Variants in SLC60A1 observed in about 807,000 individuals in gnomAD.
SLC60A1 encodes the protein solute carrier family 60 member 1, also known as major facilitator superfamily domain containing 4.
chr1:205,593,416 A>AGCCGAAATCCCGCCGCT, the SLC60A1 span, among the ~76,000 whole-genome samples: 1 of 74,722 alleles, frequency 1.3e-5, no homozygotes, highest in Non-Finnish European at 2.7e-5. Context: ...GCTTGCAGTG[A>AGCCGAAATCCCGCCGCT]GCACTCCAGC....
the SLC60A1 span, among the ~76,000 whole-genome samples, chr1:205,571,760 G>A: frequency 6.6e-6 from 1 of 152,168 alleles, no homozygotes; most frequent in Non-Finnish European, 1.5e-5. Flanking sequence ...TGGATTCTGT[G>A]GGACCATGTC....
At chr1:205,582,842 A>G in the SLC60A1 span, among the ~76,000 whole-genome samples, 1 of 151,782 alleles carries the variant, frequency 6.6e-6, no homozygotes, top group African/African-American at 2.4e-5. Flanking sequence ...TTTGTCTTTC[A>G]CTCCTGTTAG....
At chr1:205,583,863 C>T in the SLC60A1 span, 3 of 1,452,196 alleles carry the variant, frequency 2.1e-6, no homozygotes, top group Non-Finnish European at 2.8e-6. Context: ...TGTCTTCTCC[C>T]AGGACTATGC....
the SLC60A1 span, chr1:205,569,279 C>T: frequency 1.9e-6 from 3 of 1,545,278 alleles, no homozygotes; most frequent in African/African-American, 1.4e-5. Context: ...GCAGCGCCCT[C>T]GGGGGCGTCT....
the SLC60A1 span, among the ~76,000 whole-genome samples, chr1:205,590,788 T>A: frequency 1.3e-5 from 2 of 152,212 alleles, no homozygotes; most frequent in Non-Finnish European, 2.9e-5. Context: ...CTCAAAGCCA[T>A]AGGCTGCTAT....
At chr1:205,590,976 G>T in the SLC60A1 span, among the ~76,000 whole-genome samples, 1 of 152,178 alleles carries the variant, frequency 6.6e-6, no homozygotes, top group African/African-American at 2.4e-5. Flanking sequence ...AAGAATCAGA[G>T]CAATCAGCTA....
At chr1:205,583,074 T>C in the SLC60A1 span, among the ~76,000 whole-genome samples, 2 of 152,152 alleles carry the variant, frequency 1.3e-5, no homozygotes, top group Non-Finnish European at 2.9e-5. Context: ...TGAAAGGAAC[T>C]GGGCTGAAGT....
At chr1:205,602,569 G>A in the SLC60A1 span, 1 of 152,600 alleles carries the variant, frequency 6.6e-6, no homozygotes, top group African/African-American at 2.4e-5. Flanking sequence ...CTCATAAGCG[G>A]CTTAGAAATT....
At chr1:205,599,269 T>A in the SLC60A1 span, 1 of 1,613,334 alleles carries the variant, frequency 6.2e-7, no homozygotes, top group African/African-American at 1.3e-5. Context: ...AAGTATCTGT[T>A]TCTACACAAG....
chr1:205,586,322 T>C, the SLC60A1 span: 5 of 1,278,716 alleles, frequency 3.9e-6, no homozygotes, highest in African/African-American at 6.0e-5. Context: ...GGATGGGAAC[T>C]CAGGAGTAGA....
the SLC60A1 span, among the ~76,000 whole-genome samples, chr1:205,594,482 C>A: frequency 1.5e-4 from 23 of 152,010 alleles, no homozygotes; most frequent in African/African-American, 4.6e-4. Flanking sequence ...ACAGTGAAAC[C>A]CCAGCTCTAC....
the SLC60A1 span, chr1:205,569,375 C>T: frequency 9.2e-7 from 1 of 1,090,574 alleles, no homozygotes; most frequent in Non-Finnish European, 1.2e-6. Context: ...TTCCCTCCCG[C>T]CCCGCGACCC....
At chr1:205,585,955 C>T in the SLC60A1 span, 1 of 1,470,352 alleles carries the variant, frequency 6.8e-7, no homozygotes, top group Middle Eastern at 2.5e-4. This position sits in a 1 kb window ranked among gnomAD's most constrained non-coding sequence, Gnocchi z 4.2. Context: ...CCCACACCTG[C>T]CCAGCCTGGG....
the SLC60A1 span, among the ~76,000 whole-genome samples, chr1:205,596,870 G>A: frequency 3.3e-5 from 5 of 152,134 alleles, no homozygotes; most frequent in South Asian, 2.1e-4. Flanking sequence ...TTACCCACAC[G>A]GTAAGTCTGT....
chr1:205,587,200 C>T, the SLC60A1 span, among the ~76,000 whole-genome samples: 1 of 152,220 alleles, frequency 6.6e-6, no homozygotes, highest in South Asian at 2.1e-4. Context: ...GCTTGAGCCA[C>T]CTCTATCTAT....
At chr1:205,579,986 G>A in the SLC60A1 span, 3 of 1,586,414 alleles carry the variant, frequency 1.9e-6, no homozygotes, top group Admixed American at 1.7e-5. Flanking sequence ...TGGGAGCTGG[G>A]GAGGGCATGG....
At chr1:205,595,699 T>C in the SLC60A1 span, among the ~76,000 whole-genome samples, 1 of 152,314 alleles carries the variant, frequency 6.6e-6, no homozygotes, top group African/African-American at 2.4e-5. Context: ...GGGATGCAAA[T>C]ACCTGCCTTT....
At chr1:205,594,248 G>A in the SLC60A1 span, among the ~76,000 whole-genome samples, 133,326 of 152,286 alleles carry the variant, frequency 0.88, 58,392 homozygotes, top group East Asian at 0.95. Flanking sequence ...CCTCCCTCAC[G>A]CATCAGTCTC....
the SLC60A1 span, chr1:205,584,218 ATTTTT>A: frequency 2.2e-4 from 176 of 793,420 alleles, no homozygotes; most frequent in Non-Finnish European, 2.3e-4. Flanking sequence ...ATCACAGGTG[ATTTTT>A]TTTTTTTTTT....
Sources: gnomAD v4.1 joint callset for allele counts (sites outside exome capture counted in the v4.1 genomes callset) on GRCh38, gnomAD v4.1.1 for gene constraint, Gnocchi (gnomAD v3.1) non-coding constraint, MANE v1.5 for transcripts, NCBI Gene and HGNC (gene_info 2026-07-23, HGNC 2026-07-21) for gene names.